THUMPD3: variants seen among roughly 807,000 people sequenced by gnomAD.
THUMPD3 encodes the protein THUMP domain 3 tRNA guanosine methyltransferase, also known as tRNA (guanine(6)-N(2))-methyltransferase THUMP3.
A neutral mutation model predicts 54.5 loss-of-function variants in THUMPD3; 44 were observed. The ratio of observed to expected loss-of-function variants is 0.81; its 90% confidence interval spans 0.63 to 1.04. The LOEUF (loss-of-function observed/expected upper bound fraction) is 1.04. Ranked by LOEUF, THUMPD3 falls within the 50% of genes least tolerant of loss-of-function variation. The pLI, the probability that THUMPD3 is intolerant of heterozygous loss-of-function variation, is 0.00. For synonymous variants in THUMPD3, 196 were observed against 201.4 expected, an observed-to-expected ratio of 0.97 and a Z score of 0.23; for missense variants, 604 against 601.3, an observed-to-expected ratio of 1.00 and a Z score of -0.05.
chr3:9,371,481 G>T lies in THUMPD3; in HGVS notation c.752G>T (p.Gly251Val). 1 of 1,614,130 alleles carries T rather than the reference G, an allele frequency of 6.2e-7. No homozygotes were observed. Among genetic ancestry groups the T allele is most frequent in the Middle Eastern group, 1.6e-4 (1 of 6,062 alleles). The change falls in exon 4 of 10, where the codon GGT (glycine) becomes GTT (valine). Residue 251 changes from glycine to valine, a missense_variant. Physicochemically the swap from Gly to Val is moderately radical, Grantham distance 109. Transcript: ENST00000452837. The part of the protein sequence containing the change: ...TSNEAARDFG[G>V]AVQDYFKWKA... ...AATGAGGCTGCAAGAGATTTTGGGG[G>T]TGCTGTTCAAGATTATTTTAAGTGG...
chr3:9,383,195 A>C lies in THUMPD3; in HGVS notation c.1125-4A>C. On this transcript the variant is annotated splice_region_variant and splice_polypyrimidine_tract_variant and intron_variant, in intron 7 of 9. Transcript: ENST00000452837. ...GTTGAAGCACCTTTCCTTTGTCCCC[A>C]CAGCAAACCCTCCTGGGGCTTGCCC... 4 of 1,610,660 alleles carry C rather than the reference A, an allele frequency of 2.5e-6. No individual in the cohort carries two copies. The Middle Eastern group carries it at 5.0e-4, about 199-fold the overall frequency.
Position 9,371,383 on chromosome 3 carries a change from A to G in THUMPD3, c.654A>G (p.Glu218=), listed in dbSNP as rs760122738. The stretch of plus-strand genomic sequence containing the variant: ...ATGAGACTGATGAAAGCTCAAAAGA[A>G]GAAACTGAGCCTCAAGTGCTGAAGT... ...CKDETDESSK[E]ETEPQVLKFR... The change falls in exon 4 of 10, where the codon GAA becomes GAG. Residue 218 remains glutamate (E), a synonymous_variant. Coordinates refer to ENST00000452837, the MANE Select transcript of THUMPD3 (RefSeq NM_001114092.2). 9.3e-6 allele frequency: 15 copies of G among 1,614,090 alleles called. No individual in the cohort carries two copies. The East Asian group carries it at 3.3e-4, about 36-fold the overall frequency.
In THUMPD3 at chr3:9,386,623, C is replaced by G. The variant is rs912617982; in HGVS notation, c.*1935C>G. The G allele has an allele frequency of 2.0e-5, 3 of 152,054 alleles. No homozygotes were observed. Among genetic ancestry groups the G allele is most frequent in the African/African-American group, 7.2e-5 (3 of 41,388 alleles). The allele number at this position is 152,054 out of a possible 1,614,324, so 9.4% of individuals were successfully genotyped here. ...AGTATGGTGTTTTTCAATCTGGTGACTAGAATAGGCAGTGGGCTATAAGCA... is the reference window on the plus strand; with the variant it reads ...AGTATGGTGTTTTTCAATCTGGTGAGTAGAATAGGCAGTGGGCTATAAGCA... On this transcript the variant is annotated 3_prime_UTR_variant, in exon 10 of 10. Coordinates refer to ENST00000452837, the MANE Select transcript of THUMPD3 (RefSeq NM_001114092.2).
At chr3:9,377,317 AT>A (rs1176969029) in intron 5 of THUMPD3, among the ~76,000 whole-genome samples, 2 of 151,884 alleles carry the variant, frequency 1.3e-5, no homozygotes, top group African/African-American at 2.4e-5. Flanking sequence ...AGTTATAAGG[AT>A]TTTTTTTCCC....
chr3:9,372,975 C>T (rs2032178497), intron 4 of THUMPD3, among the ~76,000 whole-genome samples: 2 of 152,170 alleles, frequency 1.3e-5, no homozygotes, highest in African/African-American at 2.4e-5. Context: ...CAAATGAATA[C>T]GTGGCTCACA....
At chr3:9,379,242 G>A (rs539588568) in intron 6 of THUMPD3, among the ~76,000 whole-genome samples, 77 of 150,742 alleles carry the variant, frequency 5.1e-4, no homozygotes, top group Middle Eastern at 3.4e-3. Flanking sequence ...TTTGGGAATC[G>A]GAATCACTGA....
chr3:9,384,172 T>C (rs923527944), intron 8 of THUMPD3, 40 bp from the exon 9 acceptor site: 2 of 1,601,598 alleles, frequency 1.2e-6, no homozygotes, highest in East Asian at 2.2e-5. Flanking sequence ...CTATTTTGTA[T>C]CTTTTGCAAG....
chr3:9,381,756 C>CTTTTTTTTTTTTTTTTTT lies in THUMPD3; in HGVS notation c.1124+1162_1124+1179dup, dbSNP rs753480713. On this transcript the variant is annotated intron_variant, in intron 7 of 9. Transcript: ENST00000452837. ...ACCTACACTGTCTGTTCAACCCGTA[C>CTTTTTTTTTTTTTTTTTT]TTTTTTTTTTTTTTTTTTTTTTTTT... Among the ~76,000 whole-genome samples the CTTTTTTTTTTTTTTTTTT allele has an allele frequency of 4.5e-5, 2 of 44,324 alleles. 1 individual carries two copies. Among genetic ancestry groups the CTTTTTTTTTTTTTTTTTT allele is most frequent in the Non-Finnish European group, 8.1e-5 (2 of 24,736 alleles). 29.1% of individuals were successfully genotyped at this position (44,324 alleles called of 152,430 possible). A position where few individuals can be genotyped will look rare whatever the true frequency, so the allele number is the denominator to read the frequency against.
rs772505349 is a variant in THUMPD3, at chr3:9,384,656, GA to G, written c.1495del (p.Arg499GlufsTer13). 1.1e-5 allele frequency: 18 copies of G among 1,614,072 alleles called. No individual in the cohort carries two copies. The highest frequency in any genetic ancestry group is 4.0e-5 in the African/African-American group (3 of 74,910). The stretch of plus-strand genomic sequence containing the variant: ...TGTTCATCCTTCAGAACAAGACGGA[GA>G]AAGAGGAACTCTTTGGCAATGCAAA... ...AFVHPSEQDGERGTLWQCKE is the reference protein window; with the variant it reads ...AFVHPSEQDGXRGTLWQCKE On this transcript the variant is annotated frameshift_variant, in exon 10 of 10. Coordinates refer to ENST00000452837, the MANE Select transcript of THUMPD3 (RefSeq NM_001114092.2). LOFTEE classifies it high-confidence loss of function.
rs766916035 is a variant in THUMPD3, at chr3:9,371,125, GT to G, written c.397del (p.Trp133GlyfsTer17). On this transcript the variant is annotated frameshift_variant, in exon 4 of 10. Transcript: ENST00000452837. LOFTEE classifies it high-confidence loss of function. ...KLPWSNPLKV[W>X]KINASFKKKK... ...TCCCATGGTCAAACCCCTTAAAAGT[GT>G]GGAAAATTAATGCCAGTTTTAAAAA... 2 of 1,608,296 alleles carry G rather than the reference GT, an allele frequency of 1.2e-6. No individual in the cohort carries two copies. The highest frequency in any genetic ancestry group is 1.7e-6 in the Non-Finnish European group (2 of 1,178,740).
chr3:9,384,142 TTTTG>T, intron 8 of THUMPD3, 66 bp from the exon 9 acceptor site: 1 of 1,535,832 alleles, frequency 6.5e-7, no homozygotes, highest in East Asian at 2.3e-5. Context: ...ATGAAACTGT[TTTTG>T]TTTCATATAG....
In THUMPD3 at chr3:9,366,974, A is replaced by G. The variant is rs373844254; in HGVS notation, c.319A>G (p.Lys107Glu). 627 of 1,613,330 alleles carry G rather than the reference A, an allele frequency of 3.9e-4. No homozygotes were observed. The highest frequency in any genetic ancestry group is 5.2e-4 in the Non-Finnish European group (609 of 1,179,742). Reference protein sequence around the residue: ...VVQEFQDYQFKQTKEEVLKDF... With the variant: ...VVQEFQDYQFEQTKEEVLKDF... ...TCAGGAGTTTCAAGATTACCAGTTC[A>G]AACAAACAAAGGTGAGCTATCCTAA... Residue 107 changes from lysine (K) to glutamate (E), a missense_variant, in exon 3 of 10, where the codon AAA becomes GAA. Coordinates refer to ENST00000452837, the MANE Select transcript of THUMPD3 (RefSeq NM_001114092.2).
Position 9,386,085 on chromosome 3 carries a change from C to T in THUMPD3, c.*1397C>T, listed in dbSNP as rs1440901437. The T allele has an allele frequency of 1.3e-5, 2 of 152,168 alleles. No individual in the cohort carries two copies. The highest frequency in any genetic ancestry group is 2.9e-5 in the Non-Finnish European group (2 of 68,040). 9.4% of individuals were successfully genotyped at this position (152,168 alleles called of 1,614,324 possible). On this transcript the variant is annotated 3_prime_UTR_variant, in exon 10 of 10. Transcript: ENST00000452837. Reference sequence around the variant, plus strand: ...TGTCTCCATTGAGAATAAAAGGACACAATACTTTTGAAAGAAGAGTTCACA... The same window carrying T: ...TGTCTCCATTGAGAATAAAAGGACATAATACTTTTGAAAGAAGAGTTCACA...
chr3:9,374,465 C>A, intron 4 of THUMPD3, 51 bp from the exon 5 acceptor site: 1 of 1,598,074 alleles, frequency 6.3e-7, no homozygotes, highest in Non-Finnish European at 8.5e-7. Context: ...TATTACTAAG[C>A]GCAGTTTGAA....
In THUMPD3 at chr3:9,380,523, C is replaced by G. The variant is rs143527879; in HGVS notation, c.1029C>G (p.Asp343Glu). 5.6e-5 allele frequency: 91 copies of G among 1,612,568 alleles called. 1 individual carries two copies. In the African/African-American group the frequency reaches 1.1e-3, roughly 19 times the overall value. ...TTTAGGGGGCCACTGAATGGTCTGA[C>G]TGTTTCCATATTGCTGGTGATAATA... ...IPIEGATEWS[D>E]CFHIAGDNNP... The change falls in exon 7 of 10, where the codon GAC becomes GAG. Residue 343 changes from aspartate (D) to glutamate (E), a missense_variant. Asp to Glu is a conservative substitution (Grantham distance 45). Coordinates refer to ENST00000452837, the MANE Select transcript of THUMPD3 (RefSeq NM_001114092.2).
In THUMPD3 at chr3:9,365,248, T is replaced by G; in HGVS notation, c.180T>G (p.Leu60=). 1.2e-6 allele frequency: 2 copies of G among 1,614,232 alleles called. No homozygotes were observed. Among genetic ancestry groups the G allele is most frequent in the Non-Finnish European group, 1.7e-6 (2 of 1,180,026 alleles). The change falls in exon 2 of 10, where the codon CTT becomes CTG. Residue 60 remains leucine (L), a synonymous_variant. Transcript: ENST00000452837. ...CTGCAGATGAAGTCAGAGAGAAACT[T>G]GGGTCATCATGCAAAATCAGCAGAG... The part of the protein sequence containing the change: ...QTAADEVREK[L]GSSCKISRDR...
rs181068185 is a variant in THUMPD3 at position 9,376,636 on chromosome 3, G to A, written c.939-1183G>A. Among the ~76,000 whole-genome samples the A allele has an allele frequency of 1.1e-4, 16 of 152,288 alleles. No homozygotes were observed. In the East Asian group the frequency reaches 3.1e-3, roughly 29 times the overall value. ...ATAAGAACCCACTATTAACCCCCAA[G>A]AATCTGTCTTGTGAGGGAGATAAAT... On this transcript the variant is annotated intron_variant, in intron 5 of 9. Transcript: ENST00000452837.
intron 2 of THUMPD3, among the ~76,000 whole-genome samples, chr3:9,365,740 CG>C (rs1023412515): frequency 1.8e-4 from 28 of 152,008 alleles, no homozygotes; most frequent in Non-Finnish European, 3.1e-4. Flanking sequence ...TACAGGCGCC[CG>C]CCACCGCATC....
Position 9,384,556 on chromosome 3 carries a change from G to T in THUMPD3, c.1392G>T (p.Lys464Asn). 6.2e-6 allele frequency: 10 copies of T among 1,614,168 alleles called. No homozygotes were observed. Among genetic ancestry groups the T allele is most frequent in the Non-Finnish European group, 8.5e-6 (10 of 1,180,032 alleles). The change falls in exon 10 of 10, where the codon AAG (lysine) becomes AAT (asparagine). Residue 464 changes from lysine (K) to asparagine (N), a missense_variant. By Grantham distance (94) the Lys-to-Asn change is moderately conservative (BLOSUM62 0). Transcript: ENST00000452837. ...ALSGMRHVWRKVDTVWVNVGG... is the reference protein window; with the variant it reads ...ALSGMRHVWRNVDTVWVNVGG... The stretch of plus-strand genomic sequence containing the variant: ...CTGGAATGCGACACGTATGGCGAAA[G>T]GTGGATACAGTCTGGGTGAACGTTG...
Sources: gnomAD v4.1 joint callset for allele counts (sites outside exome capture counted in the v4.1 genomes callset) on GRCh38, gnomAD v4.1.1 for gene constraint, MANE v1.5 for transcripts, NCBI Gene and HGNC (gene_info 2026-07-23, HGNC 2026-07-21) for gene names.